The following DYTN variants were observed in gnomAD, a reference collection of about 807,000 sequenced individuals.
The protein encoded by DYTN is dystrotelin.
DYTN carries 75 observed loss-of-function variants against 69.6 expected under a neutral mutation model. The observed-to-expected ratio is 1.08, with a 90% CI of 0.89 to 1.31. The LOEUF is 1.31. DYTN is among the 50% of genes most tolerant of loss of function. The pLI is 0.00. For missense variants in DYTN, 726 were observed against 688.4 expected (o/e 1.05, Z -0.61); for synonymous variants, 252 against 249.1 (o/e 1.01, Z -0.11).
Position 206,663,437 on chromosome 2 carries a change from TCTTA to T in DYTN, c.1141-46_1141-43del, listed in dbSNP as rs370147556. The T allele has an allele frequency of 9.1e-4, 1,368 of 1,504,910 alleles. 9 individuals carry two copies. The African/African-American group carries it at 0.017, about 19-fold the overall frequency. The allele number at this position is 1,504,910 out of a possible 1,614,324, so 93.2% of individuals were successfully genotyped here. On this transcript the variant is annotated intron_variant, in intron 10 of 11. Coordinates refer to ENST00000452335, the MANE Select transcript of DYTN (RefSeq NM_001093730.1). ...TTATTTATGAAGAAATTAATGTTTA[TCTTA>T]CTTTTTCATAAATGCATTACATTTC... is the stretch of plus-strand genomic sequence containing the variant.
intron 5 of DYTN, among the ~76,000 whole-genome samples, chr2:206,702,494 A>C (rs1438675510): frequency 6.6e-6 from 1 of 152,276 alleles, no homozygotes; most frequent in African/African-American, 2.4e-5. Context: ...CTTGTACTTT[A>C]AATTGATAAT....
chr2:206,710,531 C>G lies in DYTN; in HGVS notation c.87G>C (p.Leu29=), dbSNP rs1243996273. The change falls in exon 2 of 12, where the codon CTG becomes CTC. Residue 29 remains leucine, a synonymous_variant. Transcript: ENST00000452335. Reference sequence around the variant, plus strand: ...AGGAGAGCCTATACTTACACTGGCACAGAGTTTGCACTGATTGTAATTTGA... The same window carrying G: ...AGGAGAGCCTATACTTACACTGGCAGAGAGTTTGCACTGATTGTAATTTGA... ...TAFKLQSVQT[L]CQLDLIDSSL... is the part of the protein sequence containing the mutation. 1 of 1,610,878 alleles carries G rather than the reference C, an allele frequency of 6.2e-7. No homozygotes were observed. The highest frequency in any genetic ancestry group is 8.5e-7 in the Non-Finnish European group (1 of 1,178,740).
At chr2:206,694,904 T>C (rs1335390564) in intron 7 of DYTN, 27 bp from the exon 8 acceptor site, 2 of 1,397,104 alleles carry the variant, frequency 1.4e-6, no homozygotes, top group Non-Finnish European at 1.9e-6. Context: ...AAGCACAGCT[T>C]ACGTCACTAG....
At chr2:206,661,814 G>C (rs1313871041) in intron 11 of DYTN, among the ~76,000 whole-genome samples, 1 of 152,132 alleles carries the variant, frequency 6.6e-6, no homozygotes, top group Non-Finnish European at 1.5e-5. Context: ...AACTGTGCAG[G>C]GGGCCAGCAC....
chr2:206,661,294 C>T (rs10182779), intron 11 of DYTN, among the ~76,000 whole-genome samples: 18,758 of 152,200 alleles, frequency 0.12, 1,204 homozygotes, highest in Non-Finnish European at 0.14. Flanking sequence ...CAAACTAATA[C>T]GCCAACTCAG....
At chr2:206,659,668 C>G (rs757959735) in intron 11 of DYTN, among the ~76,000 whole-genome samples, 2 of 151,946 alleles carry the variant, frequency 1.3e-5, no homozygotes, top group Non-Finnish European at 2.9e-5. Context: ...GTTTGGTATA[C>G]TTTTAGTAAG....
At chr2:206,675,816 C>T (rs568882913) in intron 9 of DYTN, among the ~76,000 whole-genome samples, 2 of 152,056 alleles carry the variant, frequency 1.3e-5, no homozygotes, top group Non-Finnish European at 2.9e-5. Context: ...ATGTGGCCAA[C>T]AAACATGAAA....
intron 9 of DYTN, chr2:206,679,208 A>G (rs1699724118): frequency 6.6e-6 from 1 of 152,192 alleles, no homozygotes; most frequent in Non-Finnish European, 1.5e-5. Context: ...AGCAACTTTT[A>G]ATTATCAGGT....
chr2:206,663,192 A>G lies in DYTN; in HGVS notation c.1344T>C (p.His448=). ...CTGGTGATTCTGGATTTCGCAGAGC[A>G]TGCTCTGCATTTGTGTGACTTCTGT... is the stretch of plus-strand genomic sequence containing the variant. ...RSHRSHTNAE[H]ALRNPESPET... The change falls in exon 11 of 12, where the codon CAT becomes CAC. Residue 448 remains histidine (H), a synonymous_variant. Transcript: ENST00000452335. 1.9e-6 allele frequency: 3 copies of G among 1,613,966 alleles called. No homozygotes were observed. Among genetic ancestry groups the G allele is most frequent in the Non-Finnish European group, 1.7e-6 (2 of 1,179,896 alleles).
At chr2:206,664,459 C>T (rs1699545835) in intron 10 of DYTN, among the ~76,000 whole-genome samples, 1 of 151,862 alleles carries the variant, frequency 6.6e-6, no homozygotes, top group African/African-American at 2.4e-5. Flanking sequence ...GAGTTCAAGA[C>T]CAGTCTGGAC....
Position 206,694,839 on chromosome 2 carries a change from T to C in DYTN, c.758A>G (p.Gln253Arg). 2 of 1,610,520 alleles carry C rather than the reference T, an allele frequency of 1.2e-6. No individual in the cohort carries two copies. Among genetic ancestry groups the C allele is most frequent in the South Asian group, 2.2e-5 (2 of 90,502 alleles). The change falls in exon 8 of 12, where the codon CAG becomes CGG. Residue 253 changes from glutamine (Q) to arginine (R), a missense_variant. Coordinates refer to ENST00000452335, the MANE Select transcript of DYTN (RefSeq NM_001093730.1). The stretch of plus-strand genomic sequence containing the variant: ...GTGAAGACCAGATAAGAAACACATC[T>C]GGCAGATGTCAAAGTTGAGACACTT... ...CLKCLNFDIC[Q>R]MCFLSGLHSK... is the part of the protein sequence containing the mutation.
intron 9 of DYTN, among the ~76,000 whole-genome samples, chr2:206,672,129 A>G (rs939977431): frequency 1.3e-5 from 2 of 152,224 alleles, no homozygotes; most frequent in African/African-American, 2.4e-5. Context: ...GGAATTAGGG[A>G]CTGGACCTGG....
rs1700147856 is a variant in DYTN, at chr2:206,718,286, A to G, written c.-7T>C. 2 of 1,600,460 alleles carry G rather than the reference A, an allele frequency of 1.2e-6. No homozygotes were observed. The highest frequency in any genetic ancestry group is 1.7e-5 in the Admixed American group (1 of 58,096). ...CTTGTTTATCTGGATCCATTTCACA[A>G]ATTTCCTGGAATGACAGATGGCAAG... is the stretch of plus-strand genomic sequence containing the variant. On this transcript the variant is annotated 5_prime_UTR_variant, in exon 1 of 12. Coordinates refer to ENST00000452335, the MANE Select transcript of DYTN (RefSeq NM_001093730.1).
intron 11 of DYTN, among the ~76,000 whole-genome samples, chr2:206,656,318 C>T (rs1402996505): frequency 6.6e-6 from 1 of 152,108 alleles, no homozygotes; most frequent in African/African-American, 2.4e-5. Context: ...TTTTTGAATA[C>T]CATTAACATA....
At chr2:206,714,237 C>T (rs1049342741) in intron 1 of DYTN, among the ~76,000 whole-genome samples, 16 of 152,160 alleles carry the variant, frequency 1.1e-4, no homozygotes, top group Non-Finnish European at 2.1e-4. Context: ...GACGGAGTCT[C>T]GCTCTGTCAC....
intron 4 of DYTN, among the ~76,000 whole-genome samples, chr2:206,705,407 T>C (rs143479752): frequency 1.4e-3 from 210 of 152,330 alleles, no homozygotes; most frequent in African/African-American, 4.7e-3. Flanking sequence ...CACTATGATT[T>C]TTGTAATAAC....
intron 2 of DYTN, among the ~76,000 whole-genome samples, chr2:206,709,693 T>A (rs981403007): frequency 6.6e-6 from 1 of 152,200 alleles, no homozygotes; most frequent in Non-Finnish European, 1.5e-5. Flanking sequence ...TATTTTTAAA[T>A]GTCAGCCTTC....
chr2:206,688,763 T>C (rs72958689), intron 9 of DYTN, among the ~76,000 whole-genome samples: 20,955 of 152,244 alleles, frequency 0.14, 1,814 homozygotes, highest in East Asian at 0.22. Flanking sequence ...TTTTTCCTTT[T>C]GTTCAGGACT....
intron 1 of DYTN, among the ~76,000 whole-genome samples, chr2:206,711,408 C>G (rs1255703368): frequency 1.3e-5 from 2 of 152,076 alleles, no homozygotes; most frequent in Non-Finnish European, 2.9e-5. Context: ...CTGTTCCTTC[C>G]TTTTTCCTTA....
Sources: gnomAD v4.1 joint callset for allele counts (sites outside exome capture counted in the v4.1 genomes callset) on GRCh38, gnomAD v4.1.1 for gene constraint, MANE v1.5 for transcripts, NCBI Gene and HGNC (gene_info 2026-07-23, HGNC 2026-07-21) for gene names.